The following VPS41 variants were observed in gnomAD, a reference collection of about 807,000 sequenced individuals.
The protein encoded by VPS41 is vacuolar protein sorting-associated protein 41 homolog.
VPS41 carries 85 observed loss-of-function variants against 130.9 expected under a neutral mutation model. The observed-to-expected ratio is 0.65, with a 90% CI of 0.55 to 0.78. The LOEUF (loss-of-function observed/expected upper bound fraction) is 0.78. Among genes scored for constraint, VPS41 ranks in the 30% least tolerant of loss-of-function variants. The pLI, the probability that VPS41 is intolerant of heterozygous loss-of-function variation, is 0.00. For synonymous variants in VPS41, 335 were observed against 332.9 expected (o/e 1.01, Z -0.07); for missense variants, 874 against 1,018.7 (o/e 0.86, Z 1.93).
chr7:38,793,966 AC>A (rs561678121), intron 9 of VPS41, among the ~76,000 whole-genome samples: 49 of 152,296 alleles, frequency 3.2e-4, no homozygotes, highest in South Asian at 1.4e-3. Context: ...AGTAATATTT[AC>A]CTTTTTGTCA....
intron 11 of VPS41, among the ~76,000 whole-genome samples, chr7:38,775,911 T>C (rs919126848): frequency 1.3e-5 from 2 of 152,146 alleles, no homozygotes; most frequent in African/African-American, 4.8e-5. Flanking sequence ...ATTTCTTCTA[T>C]ATACAGCATC....
intron 27 of VPS41, chr7:38,727,255 C>T (rs984127197): frequency 4.0e-5 from 10 of 251,212 alleles, no homozygotes; most frequent in African/African-American, 2.2e-4. Context: ...GTAGGAAAAC[C>T]AGCAAGTGTA....
At chr7:38,869,364 T>C in intron 2 of VPS41, 111 bp from the exon 3 acceptor site, 1 of 674,476 alleles carries the variant, frequency 1.5e-6, no homozygotes, top group Non-Finnish European at 2.5e-6. Flanking sequence ...ATGATGTTAA[T>C]AATTCCAACT....
chr7:38,798,485 G>T (rs1416696887), intron 7 of VPS41, among the ~76,000 whole-genome samples: 4 of 152,092 alleles, frequency 2.6e-5, no homozygotes, highest in African/African-American at 9.7e-5. Context: ...TAGAGACGGG[G>T]TTTCACCATG....
At chr7:38,844,867 G>A (rs1426904960) in intron 4 of VPS41, among the ~76,000 whole-genome samples, 2 of 152,136 alleles carry the variant, frequency 1.3e-5, no homozygotes, top group Admixed American at 6.5e-5. Flanking sequence ...CTCTGTGCCT[G>A]AGACCAACAG....
At chr7:38,893,509 ACTT>A (rs763027619) in intron 2 of VPS41, among the ~76,000 whole-genome samples, 32 of 152,258 alleles carry the variant, frequency 2.1e-4, no homozygotes, top group Non-Finnish European at 1.5e-4. Context: ...AAGATAATGT[ACTT>A]CTTTGTTATG....
chr7:38,811,737 A>G (rs1023145413), intron 7 of VPS41, among the ~76,000 whole-genome samples: 1 of 151,902 alleles, frequency 6.6e-6, no homozygotes, highest in Non-Finnish European at 1.5e-5. Context: ...ACTGGGAATA[A>G]AAACAGGTTT....
At chr7:38,887,141 C>A (rs1283609662) in intron 2 of VPS41, among the ~76,000 whole-genome samples, 3 of 152,152 alleles carry the variant, frequency 2.0e-5, no homozygotes, top group South Asian at 4.1e-4. Context: ...AACACAACTC[C>A]TCGCCAGCAA....
intron 22 of VPS41, among the ~76,000 whole-genome samples, chr7:38,749,472 G>T (rs1370549224): frequency 6.6e-6 from 1 of 152,170 alleles, no homozygotes; most frequent in Non-Finnish European, 1.5e-5. Flanking sequence ...GGATCAATGG[G>T]TTCTGAATAT....
In VPS41 at chr7:38,817,895, C is replaced by G. The variant is rs1394324989; in HGVS notation, c.385-13G>C. The G allele has an allele frequency of 4.3e-6, 7 of 1,612,186 alleles. No individual in the cohort carries two copies. The highest frequency in any genetic ancestry group is 5.9e-6 in the Non-Finnish European group (7 of 1,178,532). On this transcript the variant is annotated splice_polypyrimidine_tract_variant and intron_variant, in intron 6 of 28. Coordinates refer to ENST00000310301, the MANE Select transcript of VPS41 (RefSeq NM_014396.4). ...GCACAGCAATAATCTACAAGAGAAA[C>G]AGAACCCAACTCTGGTTTAGGAGTC...
At chr7:38,799,742 T>G (rs1784689705) in intron 7 of VPS41, among the ~76,000 whole-genome samples, 1 of 152,116 alleles carries the variant, frequency 6.6e-6, no homozygotes. Context: ...TAACAGGAAT[T>G]TTTAAAAAAT....
chr7:38,745,541 T>C lies in VPS41; in HGVS notation c.1981+18A>G. The C allele has an allele frequency of 6.2e-7, 1 of 1,605,942 alleles. No individual in the cohort carries two copies. The highest frequency in any genetic ancestry group is 8.5e-7 in the Non-Finnish European group (1 of 1,173,990). ...ATTTCTTAGTTTATGGGGACCAAAA[T>C]GAATAAAAGCTACTTACTCAGAAGA... On this transcript the variant is annotated intron_variant, in intron 23 of 28. Coordinates refer to ENST00000310301, the MANE Select transcript of VPS41 (RefSeq NM_014396.4).
intron 12 of VPS41, among the ~76,000 whole-genome samples, chr7:38,773,113 A>G (rs1784187889): frequency 6.6e-6 from 1 of 152,194 alleles, no homozygotes; most frequent in Non-Finnish European, 1.5e-5. Context: ...ATGGTCAGCG[A>G]TAAATGTTTC....
intron 25 of VPS41, among the ~76,000 whole-genome samples, chr7:38,736,354 C>A (rs1795766712): frequency 6.6e-6 from 1 of 152,208 alleles, no homozygotes; most frequent in South Asian, 2.1e-4. Context: ...ATACAAGAAT[C>A]CAGATGATAC....
chr7:38,728,179 A>G (rs537531361), intron 27 of VPS41, among the ~76,000 whole-genome samples: 3 of 152,324 alleles, frequency 2.0e-5, no homozygotes, highest in African/African-American at 7.2e-5. Flanking sequence ...AGCAGTTCTA[A>G]AAGAAGGGCC....
intron 4 of VPS41, among the ~76,000 whole-genome samples, chr7:38,850,758 T>C (rs1785837029): frequency 6.6e-6 from 1 of 152,156 alleles, no homozygotes; most frequent in Non-Finnish European, 1.5e-5. Context: ...ACACATATAC[T>C]GGCAAAGTAT....
intron 2 of VPS41, among the ~76,000 whole-genome samples, chr7:38,890,998 CT>C (rs148079818): frequency 0.039 from 5,909 of 150,786 alleles, 147 homozygotes; most frequent in South Asian, 0.059. Flanking sequence ...TTCAAAATGA[CT>C]TTTTTTTAAA....
intron 7 of VPS41, among the ~76,000 whole-genome samples, chr7:38,813,594 T>G (rs747081748): frequency 7.9e-5 from 12 of 152,202 alleles, no homozygotes. Context: ...TTACTTACAC[T>G]GACATGGGTA....
intron 2 of VPS41, among the ~76,000 whole-genome samples, chr7:38,891,402 T>C (rs959481882): frequency 3.9e-5 from 6 of 152,208 alleles, no homozygotes; most frequent in African/African-American, 1.4e-4. Context: ...TGTTTATATA[T>C]GGATTTTGTG....
Sources: allele counts gnomAD v4.1 joint callset (sites outside exome capture counted in the v4.1 genomes callset), GRCh38; gene constraint gnomAD v4.1.1; transcripts MANE v1.5; gene names NCBI Gene and HGNC (gene_info 2026-07-23, HGNC 2026-07-21).